Variants in IL2RA observed in about 807,000 individuals in gnomAD.
IL2RA encodes the protein interleukin-2 receptor subunit alpha.
In IL2RA, 24 loss-of-function variants were observed where a neutral mutation model predicts 37.8. The observed-to-expected ratio is 0.63, with a 90% confidence interval of 0.46 to 0.89. The LOEUF (loss-of-function observed/expected upper bound fraction) is 0.89. Ranked by LOEUF, IL2RA falls within the 40% of genes least tolerant of loss-of-function variation. The pLI is 0.00. For missense variants in IL2RA, 319 were observed against 348.6 expected (o/e 0.92, Z 0.68); for synonymous variants, 125 against 114.6 (o/e 1.09, Z -0.58).
rs117200780 is a variant in IL2RA at position 6,057,697 on chromosome 10, C to A, written c.64+4391G>T. ...ACATGCCTCATTTCCTGAGGGAATT[C>A]TCTCTTTTTCTGTAAAGTTTCTGCT... is the stretch of plus-strand genomic sequence containing the variant. On this transcript the variant is annotated intron_variant, in intron 1 of 7. Coordinates refer to ENST00000379959, the MANE Select transcript of IL2RA (RefSeq NM_000417.3). This position sits in a 1 kb window ranked among gnomAD's most constrained non-coding sequence, Gnocchi z 4.8. Among the ~76,000 whole-genome samples the A allele has an allele frequency of 6.6e-6, 1 of 152,306 alleles. No individual in the cohort carries two copies. The highest frequency in any genetic ancestry group is 1.5e-5 in the Non-Finnish European group (1 of 68,026).
In IL2RA at chr10:6,029,595, A is replaced by G. The variant is rs781628899; in HGVS notation, c.65-3570T>C. ...GTGGAGTAACATCGCCAGGTAGCCT[A>G]AAATATTTACTCTCTGGCCCTTTCA... On this transcript the variant is annotated intron_variant, in intron 1 of 7. Coordinates refer to ENST00000379959, the MANE Select transcript of IL2RA (RefSeq NM_000417.3). The surrounding 1 kb of genome is among the most constrained non-coding windows in gnomAD (Gnocchi z 4.6). Among the ~76,000 whole-genome samples the G allele has an allele frequency of 6.6e-6, 1 of 152,228 alleles. No individual in the cohort carries two copies. Among genetic ancestry groups the G allele is most frequent in the African/African-American group, 2.4e-5 (1 of 41,454 alleles).
intron 1 of IL2RA, among the ~76,000 whole-genome samples, chr10:6,031,496 A>ATG (rs1564545999): frequency 2.1e-4 from 14 of 66,580 alleles, no homozygotes; most frequent in African/African-American, 7.8e-4. Flanking sequence ...ATATATATGT[A>ATG]TATATATATA....
At chr10:6,042,180 C>T (rs1400481690) in intron 1 of IL2RA, among the ~76,000 whole-genome samples, 1 of 21,936 alleles carries the variant, frequency 4.6e-5, no homozygotes, top group Admixed American at 5.6e-4. Flanking sequence ...TCTGATCAGT[C>T]AGAGTTTATC....
Position 6,036,783 on chromosome 10 carries a change from G to T in IL2RA, c.65-10758C>A, listed in dbSNP as rs905173545. 2.6e-5 allele frequency among the ~76,000 whole-genome samples: 4 copies of T among 152,178 alleles called. No homozygotes were observed. Among genetic ancestry groups the T allele is most frequent in the African/African-American group, 7.2e-5 (3 of 41,434 alleles). On this transcript the variant is annotated intron_variant, in intron 1 of 7. Coordinates refer to ENST00000379959, the MANE Select transcript of IL2RA (RefSeq NM_000417.3). This position sits in a 1 kb window ranked among gnomAD's most constrained non-coding sequence, Gnocchi z 6.1. Reference sequence around the variant, plus strand: ...ACCAACCCTGGAAAGAGATGTGGGGGACAGTCATTTTAGAGAGCGGACACC... The same window carrying T: ...ACCAACCCTGGAAAGAGATGTGGGGTACAGTCATTTTAGAGAGCGGACACC...
chr10:6,018,892 TAACC>T lies in IL2RA; in HGVS notation c.727+532_727+535del, dbSNP rs1839323994. Among the ~76,000 whole-genome samples the T allele has an allele frequency of 6.7e-6, 1 of 149,554 alleles. No individual in the cohort carries two copies. Among genetic ancestry groups the T allele is most frequent in the South Asian group, 2.1e-4 (1 of 4,680 alleles). On this transcript the variant is annotated intron_variant, in intron 6 of 7. Coordinates refer to ENST00000379959, the MANE Select transcript of IL2RA (RefSeq NM_000417.3). The surrounding 1 kb of genome is among the most constrained non-coding windows in gnomAD (Gnocchi z 5.1). Reference sequence around the variant, plus strand: ...CAAACCTACTAACCTACCAACAAACTAACCAACCAACCAATCTACCAATCTATCT... The same window carrying T: ...CAAACCTACTAACCTACCAACAAACTAACCAACCAATCTACCAATCTATCT...
rs1206123738 is a variant in IL2RA at position 6,018,217 on chromosome 10, A to T, written c.728-98T>A. The T allele has an allele frequency of 2.3e-6, 2 of 865,564 alleles. No individual in the cohort carries two copies. Among genetic ancestry groups the T allele is most frequent in the African/African-American group, 3.3e-5 (2 of 60,274 alleles). 53.6% of individuals were successfully genotyped at this position (865,564 alleles called of 1,614,324 possible). On this transcript the variant is annotated intron_variant, in intron 6 of 7. Coordinates refer to ENST00000379959, the MANE Select transcript of IL2RA (RefSeq NM_000417.3). The surrounding 1 kb of genome is among the most constrained non-coding windows in gnomAD (Gnocchi z 5.1). The stretch of plus-strand genomic sequence containing the variant: ...GGGCAGGCTGAGGACATCCCCAAAG[A>T]GCAAGGCGGAGGCTGCAGCCTCTCT...
chr10:6,043,279 T>C (rs555594156), intron 1 of IL2RA, among the ~76,000 whole-genome samples: 52 of 152,330 alleles, frequency 3.4e-4, no homozygotes, highest in African/African-American at 1.2e-3. Flanking sequence ...ATATTATGCA[T>C]TTATGTATAA....
chr10:6,023,354 G>A (rs1171411805), intron 3 of IL2RA, among the ~76,000 whole-genome samples: 1 of 151,848 alleles, frequency 6.6e-6, no homozygotes, highest in African/African-American at 2.4e-5. Context: ...TTTTTGAGGG[G>A]GGACAGAGTC....
chr10:6,030,167 TA>T (rs1204077287), intron 1 of IL2RA, among the ~76,000 whole-genome samples: 42 of 152,294 alleles, frequency 2.8e-4, no homozygotes, highest in African/African-American at 9.9e-4. Context: ...TTAAATAGCC[TA>T]ACCTACATTT....
At chr10:6,023,365 T>C (rs1839420336) in intron 3 of IL2RA, among the ~76,000 whole-genome samples, 1 of 152,144 alleles carries the variant, frequency 6.6e-6, no homozygotes. Context: ...GGACAGAGTC[T>C]TCCTCTGTCA....
At position 6,021,212 on chromosome 10, in the gene IL2RA, A is replaced by G. The variant is rs1272843080; in HGVS notation, c.583+266T>C. On this transcript the variant is annotated intron_variant, in intron 4 of 7. Transcript: ENST00000379959. The surrounding 1 kb of genome is among the most constrained non-coding windows in gnomAD (Gnocchi z 4.9). ...CGAGGCAGCATCTAGGGTGCTTAGG[A>G]GAGGGCTTTCCTTCTCTTCTGTCTC... 6.6e-6 allele frequency among the ~76,000 whole-genome samples: 1 copy of G among 152,076 alleles called. No homozygotes were observed. Among genetic ancestry groups the G allele is most frequent in the Non-Finnish European group, 1.5e-5 (1 of 68,006 alleles).
intron 1 of IL2RA, among the ~76,000 whole-genome samples, chr10:6,032,190 A>C (rs894888744): frequency 6.6e-6 from 1 of 152,076 alleles, no homozygotes; most frequent in African/African-American, 2.4e-5. Context: ...AATTAATTTT[A>C]TTATATATAT....
In IL2RA at chr10:6,021,742, G is replaced by A. The variant is rs765038171; in HGVS notation, c.368-49C>T. 51 of 1,510,670 alleles carry A rather than the reference G, an allele frequency of 3.4e-5. No homozygotes were observed. The highest frequency in any genetic ancestry group is 1.8e-4 in the East Asian group (8 of 44,384). 93.6% of individuals were successfully genotyped at this position (1,510,670 alleles called of 1,614,324 possible). On this transcript the variant is annotated intron_variant, in intron 3 of 7. Coordinates refer to ENST00000379959, the MANE Select transcript of IL2RA (RefSeq NM_000417.3). This position sits in a 1 kb window ranked among gnomAD's most constrained non-coding sequence, Gnocchi z 4.9. ...GAAGGCAAGTTGGGGACAGCACCGC[G>A]AGTGAGTCCAGGTTGCCTCTTGCTA...
intron 1 of IL2RA, among the ~76,000 whole-genome samples, chr10:6,050,533 A>C (rs1019716560): frequency 2.6e-5 from 4 of 152,112 alleles, no homozygotes; most frequent in African/African-American, 9.7e-5. Flanking sequence ...AATCCCAGCT[A>C]CTGGGGAGGC....
Position 6,011,149 on chromosome 10 carries a change from T to A in IL2RA, c.*1723A>T, listed in dbSNP as rs1471451264. ...TTCAGAAGTGAAAACTGGCTGATAGTTTCCCAAATGAATAATTTTCGTTAA... is the reference window on the plus strand; with the variant it reads ...TTCAGAAGTGAAAACTGGCTGATAGATTCCCAAATGAATAATTTTCGTTAA... On this transcript the variant is annotated 3_prime_UTR_variant, in exon 8 of 8. Coordinates refer to ENST00000379959, the MANE Select transcript of IL2RA (RefSeq NM_000417.3). The surrounding 1 kb of genome is among the most constrained non-coding windows in gnomAD (Gnocchi z 5.2). The A allele has an allele frequency of 6.6e-6, 1 of 152,334 alleles. No individual in the cohort carries two copies. Among genetic ancestry groups the A allele is most frequent in the Non-Finnish European group, 1.5e-5 (1 of 68,036 alleles). The allele number at this position is 152,334 out of a possible 1,614,324, so 9.4% of individuals were successfully genotyped here. A position where few individuals can be genotyped will look rare whatever the true frequency, so the allele number is the denominator to read the frequency against.
Position 6,025,833 on chromosome 10 carries a change from C to G in IL2RA, c.256+1G>C. 2 of 1,614,086 alleles carry G rather than the reference C, an allele frequency of 1.2e-6. No homozygotes were observed. Among genetic ancestry groups the G allele is most frequent in the Non-Finnish European group, 1.7e-6 (2 of 1,179,924 alleles). ...TTGGTAGTCACAGAAGGGACACTTACCAGAGCTTGTGCATTGACATTGGTT... is the reference window on the plus strand; with the variant it reads ...TTGGTAGTCACAGAAGGGACACTTAGCAGAGCTTGTGCATTGACATTGGTT... On this transcript the variant is annotated splice_donor_variant, in intron 2 of 7. Transcript: ENST00000379959. LOFTEE classifies it high-confidence loss of function. This position sits in a 1 kb window ranked among gnomAD's most constrained non-coding sequence, Gnocchi z 4.4.
Position 6,028,891 on chromosome 10 carries a change from T to C in IL2RA, c.65-2866A>G, listed in dbSNP as rs762326994. On this transcript the variant is annotated intron_variant, in intron 1 of 7. Coordinates refer to ENST00000379959, the MANE Select transcript of IL2RA (RefSeq NM_000417.3). This position sits in a 1 kb window ranked among gnomAD's most constrained non-coding sequence, Gnocchi z 4.1. ...GCGCATGTCTGTAGTCCCAGGTACT[T>C]GGGAGGCTGAGGCAGGAGAATTGCT... is the stretch of plus-strand genomic sequence containing the variant. 1.3e-5 allele frequency among the ~76,000 whole-genome samples: 2 copies of C among 150,766 alleles called. No homozygotes were observed. Among genetic ancestry groups the C allele is most frequent in the Non-Finnish European group, 3.0e-5 (2 of 67,772 alleles).
rs1442170808 is a variant in IL2RA at position 6,021,847 on chromosome 10, C to T, written c.368-154G>A. On this transcript the variant is annotated intron_variant, in intron 3 of 7. Transcript: ENST00000379959. This position sits in a 1 kb window ranked among gnomAD's most constrained non-coding sequence, Gnocchi z 4.9. ...CCAATATATGTTGAGAACGTCTGAG[C>T]GTGGGGAAGTTTGCTAGGCCCTGTA... 2.0e-5 allele frequency among the ~76,000 whole-genome samples: 3 copies of T among 152,022 alleles called. No individual in the cohort carries two copies. The highest frequency in any genetic ancestry group is 6.5e-5 in the Admixed American group (1 of 15,270).
chr10:6,062,222 C>T lies in IL2RA; in HGVS notation c.-71G>A. The T allele has an allele frequency of 7.3e-7, 1 of 1,378,504 alleles. No homozygotes were observed. Among genetic ancestry groups the T allele is most frequent in the Non-Finnish European group, 1.0e-6 (1 of 966,600 alleles). 85.4% of individuals were successfully genotyped at this position (1,378,504 alleles called of 1,614,324 possible). The stretch of plus-strand genomic sequence containing the variant: ...TCTCTGCAGAAGGCCCAGTTGCCGT[C>T]AGCCTCTTTTTGGCATCGCGCCGGA... On this transcript the variant is annotated 5_prime_UTR_variant, in exon 1 of 8. The change abolishes the stop of an existing upstream ORF in the 5' untranslated region. Coordinates refer to ENST00000379959, the MANE Select transcript of IL2RA (RefSeq NM_000417.3).
Sources: allele counts gnomAD v4.1 joint callset (sites outside exome capture counted in the v4.1 genomes callset), GRCh38; gene constraint gnomAD v4.1.1; non-coding constraint Gnocchi (gnomAD v3.1); transcripts MANE v1.5; gene names NCBI Gene and HGNC (gene_info 2026-07-23, HGNC 2026-07-21).